Variants in ZNF704 observed in about 807,000 individuals in gnomAD.
ZNF704 encodes zinc finger protein 704, also known as glucocorticoid induced gene 1.
Under a neutral mutation model 44.7 loss-of-function variants are expected in ZNF704, and 10 were observed. The ratio of observed to expected loss-of-function variants is 0.22; its 90% CI spans 0.14 to 0.38. The LOEUF (loss-of-function observed/expected upper bound fraction) is 0.38. ZNF704 is among the 10% of genes least tolerant of loss of function. ZNF704 has a pLI of 1.00. For synonymous variants in ZNF704, 211 were observed against 207.6 expected (o/e 1.02, Z -0.14); for missense variants, 390 against 545.5 (o/e 0.71, Z 2.84).
chr8:80,641,328 G>A lies in ZNF704; in HGVS notation c.*38C>T. The A allele has an allele frequency of 7.2e-7, 1 of 1,385,434 alleles. No individual in the cohort carries two copies. The highest frequency in any genetic ancestry group is 9.8e-7 in the Non-Finnish European group (1 of 1,017,688). The allele number at this position is 1,385,434 out of a possible 1,614,324, so 85.8% of individuals were successfully genotyped here. On this transcript the variant is annotated 3_prime_UTR_variant, in exon 9 of 9. Transcript: ENST00000327835. ...CCTGCAGTGGCAGGCCAGGGCAGGA[G>A]CGGCTCAGGGCCCTGAGCCCCTCTG...
Position 80,665,239 on chromosome 8 carries a change from A to G in ZNF704, c.660-157T>C, listed in dbSNP as rs147807014. ...CCTGCAGCACTCAGTTCAACTGTCC[A>G]CTTCCAGGGAACCCTTCCTTGATGT... On this transcript the variant is annotated intron_variant, in intron 5 of 8. Coordinates refer to ENST00000327835, the MANE Select transcript of ZNF704 (RefSeq NM_001033723.3). Among the ~76,000 whole-genome samples, 66 of 152,260 alleles carry G rather than the reference A, an allele frequency of 4.3e-4. 1 individual carries two copies. The East Asian group carries it at 0.011, about 25-fold the overall frequency.
At chr8:80,732,598 C>T (rs1320322261) in intron 2 of ZNF704, among the ~76,000 whole-genome samples, 1 of 152,222 alleles carries the variant, frequency 6.6e-6, no homozygotes, top group African/African-American at 2.4e-5. Flanking sequence ...TTTAGTCTCA[C>T]TTAAGTCTTT....
chr8:80,791,029 GGAGA>G (rs1807697496), intron 2 of ZNF704, among the ~76,000 whole-genome samples: 1 of 152,058 alleles, frequency 6.6e-6, no homozygotes, highest in South Asian at 2.1e-4. Flanking sequence ...TTGGGGTGAG[GGAGA>G]GAGAAAAGGG....
chr8:80,686,099 C>T (rs1050605909), intron 4 of ZNF704, among the ~76,000 whole-genome samples: 5 of 152,166 alleles, frequency 3.3e-5, no homozygotes, highest in East Asian at 1.9e-4. Flanking sequence ...GAAATGTTTT[C>T]GAAAAATTAT....
intron 2 of ZNF704, among the ~76,000 whole-genome samples, chr8:80,728,455 T>C (rs1806521694): frequency 1.3e-5 from 2 of 152,206 alleles, no homozygotes; most frequent in Non-Finnish European, 2.9e-5. Context: ...CGCCTGGCAT[T>C]TCTCACTGCA....
At position 80,852,618 on chromosome 8, in the gene ZNF704, T is replaced by C. The variant is rs577282878; in HGVS notation, c.-22+21953A>G. Reference sequence around the variant, plus strand: ...TAATTTCTTATTTTACATGCCCACTTGTACAGTGTTTTAATAACAGTTTCA... The same window carrying C: ...TAATTTCTTATTTTACATGCCCACTCGTACAGTGTTTTAATAACAGTTTCA... On this transcript the variant is annotated intron_variant, in intron 1 of 8. Transcript: ENST00000327835. Among the ~76,000 whole-genome samples the C allele has an allele frequency of 2.6e-5, 4 of 152,338 alleles. No individual in the cohort carries two copies. In the South Asian group the frequency reaches 8.3e-4, roughly 32 times the overall value.
intron 2 of ZNF704, among the ~76,000 whole-genome samples, chr8:80,705,193 G>A (rs1159309180): frequency 6.6e-6 from 1 of 152,160 alleles, no homozygotes; most frequent in Non-Finnish European, 1.5e-5. Flanking sequence ...TCCCTTCTGG[G>A]ACTGCCACTG....
intron 2 of ZNF704, among the ~76,000 whole-genome samples, chr8:80,772,915 G>A (rs1339428749): frequency 2.0e-5 from 3 of 152,094 alleles, no homozygotes; most frequent in Non-Finnish European, 4.4e-5. Context: ...CACTGCATTA[G>A]CTGTGTCCTA....
intron 2 of ZNF704, among the ~76,000 whole-genome samples, chr8:80,805,185 A>T (rs563932820): frequency 6.6e-6 from 1 of 152,304 alleles, no homozygotes; most frequent in Admixed American, 6.5e-5. Flanking sequence ...TTGGGGACCC[A>T]TCTCGTCACT....
chr8:80,704,212 C>T (rs1231047061), intron 2 of ZNF704, among the ~76,000 whole-genome samples: 3 of 152,172 alleles, frequency 2.0e-5, no homozygotes, highest in South Asian at 2.1e-4. Flanking sequence ...TTGATGTGAG[C>T]AGGCTGCAAA....
intron 2 of ZNF704, among the ~76,000 whole-genome samples, chr8:80,699,638 T>A (rs112413532): frequency 0.012 from 1,843 of 152,312 alleles, 16 homozygotes; most frequent in Middle Eastern, 0.02. Flanking sequence ...CACCCCTTCC[T>A]CTTAATTTCT....
chr8:80,741,491 C>T (rs1002456073), intron 2 of ZNF704, among the ~76,000 whole-genome samples: 8 of 151,882 alleles, frequency 5.3e-5, no homozygotes, highest in Admixed American at 3.9e-4. Context: ...TCTTAGCCTC[C>T]GAAGCAGTTA....
intron 2 of ZNF704, among the ~76,000 whole-genome samples, chr8:80,715,317 G>A (rs1329965886): frequency 6.6e-6 from 1 of 152,040 alleles, no homozygotes; most frequent in Non-Finnish European, 1.5e-5. Context: ...CAAAGTGAAC[G>A]TTTTATTCTT....
intron 3 of ZNF704, among the ~76,000 whole-genome samples, chr8:80,689,218 G>C (rs1201284403): frequency 1.3e-5 from 2 of 152,082 alleles, no homozygotes; most frequent in Non-Finnish European, 2.9e-5. Context: ...ACAAATGGTA[G>C]ATTATCATTC....
chr8:80,740,142 C>T (rs566808447), intron 2 of ZNF704, among the ~76,000 whole-genome samples: 1 of 152,196 alleles, frequency 6.6e-6, no homozygotes. Flanking sequence ...CTTCTCCCAG[C>T]CACTAAGCTG....
chr8:80,803,522 T>C (rs1807936588), intron 2 of ZNF704, among the ~76,000 whole-genome samples: 1 of 152,132 alleles, frequency 6.6e-6, no homozygotes, highest in Non-Finnish European at 1.5e-5. Context: ...AACTCAGGAA[T>C]AAGACTGCAC....
intron 2 of ZNF704, among the ~76,000 whole-genome samples, chr8:80,706,936 A>G (rs747000425): frequency 6.6e-6 from 1 of 152,186 alleles, no homozygotes; most frequent in Non-Finnish European, 1.5e-5. Context: ...TCCCCTTTTA[A>G]GCTGCTTAAG....
intron 2 of ZNF704, among the ~76,000 whole-genome samples, chr8:80,704,131 T>A (rs1818858890): frequency 6.6e-6 from 1 of 152,226 alleles, no homozygotes; most frequent in Non-Finnish European, 1.5e-5. Context: ...CTCTAGAATG[T>A]CAGCAATAAC....
chr8:80,642,932 G>A (rs1817767874), intron 8 of ZNF704, 103 bp downstream of exon 8: 1 of 722,392 alleles, frequency 1.4e-6, no homozygotes, highest in Non-Finnish European at 2.0e-6. Context: ...GTCAATTGTG[G>A]AGAAATTTTA....
Sources: gnomAD v4.1 joint callset for allele counts (sites outside exome capture counted in the v4.1 genomes callset) on GRCh38, gnomAD v4.1.1 for gene constraint, MANE v1.5 for transcripts, NCBI Gene and HGNC (gene_info 2026-07-23, HGNC 2026-07-21) for gene names.